Variants in ROBO2 observed in about 807,000 individuals in gnomAD.
ROBO2 encodes the protein roundabout guidance receptor 2, also known as roundabout homolog 2.
A neutral mutation model predicts 160.8 loss-of-function variants in ROBO2; 53 were observed. The observed-to-expected ratio is 0.33, with a 90% CI of 0.26 to 0.41. ROBO2 has a LOEUF of 0.41. Ranked by LOEUF, ROBO2 falls within the 10% of genes least tolerant of loss-of-function variation. The pLI, the probability that ROBO2 is intolerant of heterozygous loss-of-function variation, is 1.00. For missense variants in ROBO2, 1,577 were observed against 1,722.4 expected (o/e 0.92, Z 1.49); for synonymous variants, 664 against 611.7 (o/e 1.09, Z -1.26).
At chr3:77,301,694 T>G (rs1001646487) in intron 2 of ROBO2, among the ~76,000 whole-genome samples, 4 of 152,220 alleles carry the variant, frequency 2.6e-5, no homozygotes, top group Non-Finnish European at 4.4e-5. Flanking sequence ...CCCTCTTTGT[T>G]CTCATCATAG....
intron 19 of ROBO2, among the ~76,000 whole-genome samples, chr3:77,598,502 T>C (rs1240473545): frequency 2.3e-5 from 3 of 132,272 alleles, no homozygotes; most frequent in East Asian, 4.4e-4. Context: ...TATATATATA[T>C]ACGCACACAC....
intron 2 of ROBO2, among the ~76,000 whole-genome samples, chr3:77,145,390 T>C (rs1443787018): frequency 6.6e-6 from 1 of 152,192 alleles, no homozygotes; most frequent in Non-Finnish European, 1.5e-5. Context: ...ATTATTGTGA[T>C]TTCTTGTAGC....
chr3:77,440,599 A>C (rs1050595924), intron 2 of ROBO2, among the ~76,000 whole-genome samples: 1 of 152,188 alleles, frequency 6.6e-6, no homozygotes, highest in Non-Finnish European at 1.5e-5. Flanking sequence ...AAGAATAAAA[A>C]TGTAAGTTCA....
At chr3:76,152,516 G>A (rs556229709) in intron 2 of ROBO2, among the ~76,000 whole-genome samples, 1 of 151,936 alleles carries the variant, frequency 6.6e-6, no homozygotes, top group Non-Finnish European at 1.5e-5. Context: ...TTTTTCAATT[G>A]TAGGTAGGGA....
chr3:77,458,749 T>C (rs565199322), intron 2 of ROBO2, among the ~76,000 whole-genome samples: 1 of 152,322 alleles, frequency 6.6e-6, no homozygotes, highest in South Asian at 2.1e-4. Flanking sequence ...TAACTGATTA[T>C]AATGAAGACC....
At chr3:76,618,125 C>T in intron 2 of ROBO2, among the ~76,000 whole-genome samples, 1 of 151,472 alleles carries the variant, frequency 6.6e-6, no homozygotes, top group South Asian at 2.1e-4. Flanking sequence ...CAAACCAGAG[C>T]CAGGGAGGAC....
At chr3:77,224,762 G>C (rs1186826668) in intron 2 of ROBO2, among the ~76,000 whole-genome samples, 1 of 151,748 alleles carries the variant, frequency 6.6e-6, no homozygotes. Context: ...CATGATGAAG[G>C]GCTGGGCAGA....
At chr3:77,555,634 G>C (rs2093088612) in intron 8 of ROBO2, among the ~76,000 whole-genome samples, 1 of 151,868 alleles carries the variant, frequency 6.6e-6, no homozygotes, top group Non-Finnish European at 1.5e-5. Flanking sequence ...AGCATTCTGT[G>C]AATAGAGCCA....
intron 2 of ROBO2, among the ~76,000 whole-genome samples, chr3:76,247,448 T>A (rs796941044): frequency 2.6e-5 from 4 of 152,274 alleles, no homozygotes; most frequent in African/African-American, 9.6e-5. Context: ...TTCAAAATTT[T>A]AACATTACAT....
At chr3:76,674,597 TTCAC>T (rs1383824178) in intron 2 of ROBO2, among the ~76,000 whole-genome samples, 2 of 33,678 alleles carry the variant, frequency 5.9e-5, no homozygotes, top group Non-Finnish European at 1.5e-4. Flanking sequence ...CACCTCCTAG[TTCAC>T]ACACACACAC....
intron 2 of ROBO2, among the ~76,000 whole-genome samples, chr3:77,108,408 C>G (rs1429054271): frequency 1.3e-5 from 2 of 151,916 alleles, no homozygotes; most frequent in Non-Finnish European, 2.9e-5. Context: ...GAACTCCTGG[C>G]CCTATGTGAC....
chr3:76,968,952 GTCT>G (rs2059439855), intron 2 of ROBO2, among the ~76,000 whole-genome samples: 1 of 152,088 alleles, frequency 6.6e-6, no homozygotes, highest in Non-Finnish European at 1.5e-5. Context: ...CGGATAATTA[GTCT>G]TCATTTTGGT....
intron 2 of ROBO2, among the ~76,000 whole-genome samples, chr3:76,685,372 A>C (rs1463771171): frequency 1.3e-5 from 2 of 152,150 alleles, no homozygotes; most frequent in African/African-American, 4.8e-5. Flanking sequence ...TCATATTTTA[A>C]AGGTTTAAAG....
At chr3:77,292,283 C>T (rs2061390034) in intron 2 of ROBO2, among the ~76,000 whole-genome samples, 1 of 150,496 alleles carries the variant, frequency 6.6e-6, no homozygotes, top group Non-Finnish European at 1.5e-5. Context: ...GGCTAGATCA[C>T]CCAGACATAA....
chr3:77,583,440 C>T (rs1387603892), intron 16 of ROBO2, among the ~76,000 whole-genome samples: 1 of 151,930 alleles, frequency 6.6e-6, no homozygotes. Flanking sequence ...GTTATTTCTT[C>T]ATGGGCAGAA....
intron 2 of ROBO2, among the ~76,000 whole-genome samples, chr3:77,329,353 T>C (rs1170681773): frequency 1.3e-5 from 2 of 152,236 alleles, no homozygotes; most frequent in Non-Finnish European, 2.9e-5. Flanking sequence ...TTTATTCTTT[T>C]ATACTCCTTC....
chr3:76,944,733 C>T (rs1277096249), intron 2 of ROBO2, among the ~76,000 whole-genome samples: 2 of 152,082 alleles, frequency 1.3e-5, no homozygotes, highest in African/African-American at 4.8e-5. Context: ...TAATGGTTGA[C>T]TATGTATAGC....
intron 2 of ROBO2, among the ~76,000 whole-genome samples, chr3:76,542,847 A>G (rs774347880): frequency 6.6e-6 from 1 of 152,202 alleles, no homozygotes; most frequent in Non-Finnish European, 1.5e-5. Context: ...TCATATTGCC[A>G]AATTAAATGC....
At position 76,895,171 on chromosome 3, in the gene ROBO2, G is replaced by C. The variant is rs1389512087; in HGVS notation, c.110-202843G>C. ...CTTACATTCTCTTGTTGAAGTATCTGGGTGATCATTTTTTTCTAATGTCTT... is the reference window on the plus strand; with the variant it reads ...CTTACATTCTCTTGTTGAAGTATCTCGGTGATCATTTTTTTCTAATGTCTT... On this transcript the variant is annotated intron_variant, in intron 2 of 26. Coordinates refer to the ROBO2 transcript ENST00000487694. Among the ~76,000 whole-genome samples the C allele has an allele frequency of 2.0e-5, 3 of 151,690 alleles. 1 individual carries two copies. Among genetic ancestry groups the C allele is most frequent in the Admixed American group, 2.0e-4 (3 of 15,216 alleles).
Sources: gnomAD v4.1 joint callset for allele counts (sites outside exome capture counted in the v4.1 genomes callset) on GRCh38, gnomAD v4.1.1 for gene constraint, MANE v1.5 for transcripts, NCBI Gene and HGNC (gene_info 2026-07-23, HGNC 2026-07-21) for gene names.